Variants in SLC25A42 observed in about 807,000 individuals in gnomAD.
SLC25A42 encodes the protein mitochondrial coenzyme A transporter SLC25A42.
A neutral mutation model predicts 34.7 loss-of-function variants in SLC25A42; 19 were observed. The ratio of observed to expected loss-of-function variants is 0.55; its 90% confidence interval spans 0.38 to 0.80. The LOEUF (loss-of-function observed/expected upper bound fraction) is 0.80, where lower values mean the gene tolerates loss of function less well. SLC25A42 is among the 30% of genes least tolerant of loss of function. The pLI, the probability that SLC25A42 is intolerant of heterozygous loss-of-function variation, is 0.00. For synonymous variants in SLC25A42, 205 were observed against 191.2 expected (o/e 1.07, Z -0.59); for missense variants, 364 against 441.3 (o/e 0.82, Z 1.57).
chr19:19,110,284 A>T (rs1444973869), intron 7 of SLC25A42, among the ~76,000 whole-genome samples: 1 of 152,168 alleles, frequency 6.6e-6, no homozygotes, highest in East Asian at 1.9e-4. Context: ...CGGAGGGTGC[A>T]GTGAGCCGAG....
chr19:19,101,745 C>T, intron 2 of SLC25A42, 36 bp from the exon 3 acceptor site: 1 of 1,580,586 alleles, frequency 6.3e-7, no homozygotes, highest in Non-Finnish European at 8.6e-7. Flanking sequence ...AGCCGCCCCC[C>T]TGCCCTCTGA....
intron 1 of SLC25A42, among the ~76,000 whole-genome samples, chr19:19,083,265 G>A (rs2059690245): frequency 1.3e-5 from 2 of 152,132 alleles, no homozygotes; most frequent in Non-Finnish European, 2.9e-5. Context: ...CCCCACATCG[G>A]GACCCTGGTG....
intron 1 of SLC25A42, among the ~76,000 whole-genome samples, chr19:19,071,990 A>C (rs1331283958): frequency 1.3e-5 from 2 of 152,222 alleles, no homozygotes; most frequent in Non-Finnish European, 2.9e-5. Context: ...TCAGACTGGC[A>C]TGGGGCGACC....
At chr19:19,088,275 G>A (rs902775450) in intron 1 of SLC25A42, among the ~76,000 whole-genome samples, 7 of 150,096 alleles carry the variant, frequency 4.7e-5, no homozygotes, top group Admixed American at 1.3e-4. Context: ...GTGTGATCAC[G>A]GCTCACTGCA....
rs950963322 is a variant in SLC25A42, at chr19:19,106,280, C to T, written c.392C>T (p.Pro131Leu). 1.2e-6 allele frequency: 2 copies of T among 1,612,018 alleles called. No homozygotes were observed. The highest frequency in any genetic ancestry group is 1.7e-6 in the Non-Finnish European group (2 of 1,179,894). ...YYGFRGEALP[P>L]WPRLFAGALA... is the part of the protein sequence containing the mutation. ...CCTGCCCTGTTCAGAGCCCTGCCCC[C>T]TTGGCCTCGCCTCTTCGCCGGCGCA... Residue 131 changes from proline to leucine, a missense_variant, in exon 6 of 8, where the codon CCT becomes CTT. By Grantham distance (98) the Pro-to-Leu change is moderately conservative. Coordinates refer to ENST00000318596, the MANE Select transcript of SLC25A42 (RefSeq NM_178526.5).
intron 1 of SLC25A42, among the ~76,000 whole-genome samples, chr19:19,071,203 C>T (rs2059628574): frequency 1.3e-5 from 2 of 151,988 alleles, no homozygotes; most frequent in South Asian, 4.1e-4. Context: ...GACAGGGTTT[C>T]TCCATCCTTC....
At chr19:19,071,932 T>C (rs2059632310) in intron 1 of SLC25A42, among the ~76,000 whole-genome samples, 1 of 151,934 alleles carries the variant, frequency 6.6e-6, no homozygotes, top group South Asian at 2.1e-4. Flanking sequence ...GGACAAATCA[T>C]CTAAGTTTTG....
intron 1 of SLC25A42, among the ~76,000 whole-genome samples, chr19:19,084,019 C>T (rs563093900): frequency 1.3e-5 from 2 of 150,866 alleles, no homozygotes; most frequent in African/African-American, 4.9e-5. Flanking sequence ...CCCCAGCATG[C>T]CCCTGCAGGC....
intron 1 of SLC25A42, among the ~76,000 whole-genome samples, chr19:19,080,813 G>A (rs916631981): frequency 1.3e-5 from 2 of 151,734 alleles, no homozygotes; most frequent in African/African-American, 4.8e-5. Flanking sequence ...CCAGCTACTT[G>A]GGAAGCTAAG....
intron 1 of SLC25A42, among the ~76,000 whole-genome samples, chr19:19,066,510 G>A (rs966310183): frequency 1.3e-5 from 2 of 149,074 alleles, no homozygotes; most frequent in Admixed American, 6.8e-5. Flanking sequence ...GTGCAGTGGC[G>A]CGATCTCGGC....
In SLC25A42 at chr19:19,106,421, G is replaced by A. The variant is rs1372152080; in HGVS notation, c.497+36G>A. 4 of 1,549,120 alleles carry A rather than the reference G, an allele frequency of 2.6e-6. No homozygotes were observed. In the African/African-American group the frequency reaches 5.5e-5, roughly 21 times the overall value. ...ACATCGGTGATGCGCATCAGCCCCG[G>A]GGGCTCTGTGTCTCGGGGGCTCCCA... On this transcript the variant is annotated intron_variant, in intron 6 of 7. Coordinates refer to ENST00000318596, the MANE Select transcript of SLC25A42 (RefSeq NM_178526.5).
Position 19,101,860 on chromosome 19 carries a change from TG to T in SLC25A42, c.163del (p.Asp55ThrfsTer94). ...GALAKTAVAP[L>X]DRTKIIFQVS... ...CTTGCCAAAACAGCGGTAGCTCCCCTGGACCGAACCAAAATCATCTTCCAAG... is the reference window on the plus strand; with the variant it reads ...CTTGCCAAAACAGCGGTAGCTCCCCTGACCGAACCAAAATCATCTTCCAAG... On this transcript the variant is annotated frameshift_variant, in exon 3 of 8. Coordinates refer to ENST00000318596, the MANE Select transcript of SLC25A42 (RefSeq NM_178526.5). LOFTEE classifies it high-confidence loss of function. 1 of 1,613,422 alleles carries T rather than the reference TG, an allele frequency of 6.2e-7. No homozygotes were observed. Among genetic ancestry groups the T allele is most frequent in the Non-Finnish European group, 8.5e-7 (1 of 1,179,696 alleles).
At chr19:19,075,781 G>T (rs1379936402) in intron 1 of SLC25A42, among the ~76,000 whole-genome samples, 1 of 152,200 alleles carries the variant, frequency 6.6e-6, no homozygotes, top group Non-Finnish European at 1.5e-5. Context: ...CCCCTAGCCT[G>T]CAGGTATCCT....
At chr19:19,090,220 C>A (rs1014562435) in intron 1 of SLC25A42, among the ~76,000 whole-genome samples, 4 of 152,104 alleles carry the variant, frequency 2.6e-5, no homozygotes, top group Non-Finnish European at 5.9e-5. Context: ...GTGTCAGTTT[C>A]ACCCCTTCTT....
chr19:19,064,117 T>C lies in SLC25A42; in HGVS notation c.-35+2T>C, dbSNP rs1408100439. On this transcript the variant is annotated splice_donor_variant, in intron 1 of 7. Coordinates refer to ENST00000318596, the MANE Select transcript of SLC25A42 (RefSeq NM_178526.5). LOFTEE classifies it low-confidence loss of function (5UTR_SPLICE). ...CCGCGCCTGTCGGGCTGAACTGAGG[T>C]GAGGCACGGGTCCTGTCATGGATCC... 1 of 151,636 alleles carries C rather than the reference T, an allele frequency of 6.6e-6. No individual in the cohort carries two copies. 9.4% of individuals were successfully genotyped at this position (151,636 alleles called of 1,614,324 possible). A position where few individuals can be genotyped will look rare whatever the true frequency, so the allele number is the denominator to read the frequency against.
intron 2 of SLC25A42, among the ~76,000 whole-genome samples, chr19:19,096,434 G>A (rs1291570281): frequency 6.6e-6 from 1 of 151,958 alleles, no homozygotes; most frequent in East Asian, 1.9e-4. Context: ...GAGCCTCTCT[G>A]CTCCCACGGC....
chr19:19,110,634 A>G lies in SLC25A42; in HGVS notation c.715A>G (p.Ile239Val), dbSNP rs1169384229. The G allele has an allele frequency of 1.3e-6, 2 of 1,539,816 alleles. No individual in the cohort carries two copies. The highest frequency in any genetic ancestry group is 1.7e-6 in the Non-Finnish European group (2 of 1,144,124). Residue 239 changes from isoleucine to valine, a missense_variant, in exon 8 of 8, where the codon ATC (isoleucine) becomes GTC (valine). Transcript: ENST00000318596. ...GATCTTCGGCGCCTGCGCTGGCCTC[A>G]TCGGGCAGTCGGCCTCGTACCCGCT... The part of the protein sequence containing the change: ...RMIFGACAGL[I>V]GQSASYPLDV...
intron 1 of SLC25A42, among the ~76,000 whole-genome samples, chr19:19,092,993 C>G (rs2059746141): frequency 6.6e-6 from 1 of 152,078 alleles, no homozygotes; most frequent in Non-Finnish European, 1.5e-5. Context: ...TCTTTAGGAC[C>G]TGGTTTCTGT....
intron 1 of SLC25A42, among the ~76,000 whole-genome samples, chr19:19,095,753 CAGT>C (rs1394856141): frequency 6.6e-6 from 1 of 152,210 alleles, no homozygotes; most frequent in East Asian, 1.9e-4. Context: ...TTTGGCCTGA[CAGT>C]GGTGTTGGCA....
Sources: gnomAD v4.1 joint callset for allele counts (sites outside exome capture counted in the v4.1 genomes callset) on GRCh38, gnomAD v4.1.1 for gene constraint, MANE v1.5 for transcripts, NCBI Gene and HGNC (gene_info 2026-07-23, HGNC 2026-07-21) for gene names.